UGT2B15: variants seen among roughly 807,000 people sequenced by gnomAD.
UGT2B15 encodes UDP glucuronosyltransferase family 2 member B15.
In UGT2B15, 36 loss-of-function variants were observed where a neutral mutation model predicts 45.9. The observed-to-expected ratio is 0.78, with a 90% CI of 0.60 to 1.04. The LOEUF is 1.04. Ranked by LOEUF, UGT2B15 falls within the 50% of genes least tolerant of loss-of-function variation. UGT2B15 has a pLI of 0.00. For missense variants in UGT2B15, 617 were observed against 622.4 expected (o/e 0.99, Z 0.09); for synonymous variants, 219 against 216.4 (o/e 1.01, Z -0.11).
intron 2 of UGT2B15, among the ~76,000 whole-genome samples, chr4:68,664,025 A>C (rs1733044399): frequency 6.6e-6 from 1 of 152,064 alleles, no homozygotes. Context: ...GACCCTCATC[A>C]TCACTTTGCT....
At chr4:68,658,661 C>G (rs1468301393) in intron 3 of UGT2B15, among the ~76,000 whole-genome samples, 1 of 152,042 alleles carries the variant, frequency 6.6e-6, no homozygotes. Flanking sequence ...AACCCTGTGG[C>G]CTTAAGCAAT....
intron 5 of UGT2B15, among the ~76,000 whole-genome samples, chr4:68,651,903 T>C (rs1359548934): frequency 6.6e-6 from 1 of 152,106 alleles, no homozygotes; most frequent in Non-Finnish European, 1.5e-5. Context: ...TTTCTAATTC[T>C]GTGAGGAATG....
chr4:68,649,100 A>AT (rs560128777), intron 5 of UGT2B15, among the ~76,000 whole-genome samples: 47 of 151,910 alleles, frequency 3.1e-4, no homozygotes, highest in African/African-American at 1.1e-3. Context: ...TTTAAAAAAT[A>AT]TTTTTTATTT....
At chr4:68,663,245 G>C (rs577443028) in intron 2 of UGT2B15, 106 bp from the exon 3 acceptor site, 4 of 1,212,818 alleles carry the variant, frequency 3.3e-6, no homozygotes, top group Non-Finnish European at 4.4e-6. Flanking sequence ...AGCTATTGGA[G>C]TAATTTTTTT....
chr4:68,666,844 T>C (rs533008860), intron 2 of UGT2B15, among the ~76,000 whole-genome samples: 6 of 151,090 alleles, frequency 4.0e-5, no homozygotes, highest in African/African-American at 1.2e-4. Flanking sequence ...CCTCCGGGGT[T>C]CAAGTGATTC....
Position 68,653,742 on chromosome 4 carries a change from T to G in UGT2B15, c.1313+295A>C, listed in dbSNP as rs541719072. Among the ~76,000 whole-genome samples the G allele has an allele frequency of 4.6e-5, 7 of 152,148 alleles. No homozygotes were observed. In the East Asian group the frequency reaches 1.3e-3, roughly 29 times the overall value. On this transcript the variant is annotated intron_variant, in intron 5 of 5. Coordinates refer to ENST00000338206, the MANE Select transcript of UGT2B15 (RefSeq NM_001076.4). Reference sequence around the variant, plus strand: ...TTGAAATATCATATTTCTCTAGTTATGTTCTTTCTTTTCATTGTGCATTCT... The same window carrying G: ...TTGAAATATCATATTTCTCTAGTTAGGTTCTTTCTTTTCATTGTGCATTCT...
intron 3 of UGT2B15, among the ~76,000 whole-genome samples, chr4:68,656,718 T>G (rs1213324940): frequency 6.6e-6 from 1 of 152,096 alleles, no homozygotes; most frequent in African/African-American, 2.4e-5. Context: ...TGAACTCTTT[T>G]AAAGAATTCA....
chr4:68,658,839 C>T lies in UGT2B15; in HGVS notation c.1006-3657G>A, dbSNP rs139920907. On this transcript the variant is annotated intron_variant, in intron 3 of 5. Coordinates refer to ENST00000338206, the MANE Select transcript of UGT2B15 (RefSeq NM_001076.4). ...TTGTTGTGGCATAATGCTAACAGTG[C>T]TTTCTAAAAGCTATTCAGCTCCTCA... is the stretch of plus-strand genomic sequence containing the variant. 5.8e-3 allele frequency among the ~76,000 whole-genome samples: 880 copies of T among 152,062 alleles called. 12 individuals carry two copies. Among genetic ancestry groups the T allele is most frequent in the African/African-American group, 0.02 (820 of 41,482 alleles).
chr4:68,668,244 G>T (rs1271825494), intron 1 of UGT2B15, 56 bp from the exon 2 acceptor site: 4 of 1,605,004 alleles, frequency 2.5e-6, no homozygotes, highest in Non-Finnish European at 3.4e-6. Flanking sequence ...ATTGTTATTT[G>T]AATATGCAGG....
chr4:68,653,989 A>G, intron 5 of UGT2B15, 48 bp downstream of exon 5: 5 of 1,598,064 alleles, frequency 3.1e-6, no homozygotes, highest in Non-Finnish European at 3.4e-6. Context: ...TTCACTGTTG[A>G]CAAAATAATT....
rs1174496090 is a variant in UGT2B15, at chr4:68,654,073, A to T, written c.1277T>A (p.Leu426Ter). 3 of 1,613,624 alleles carry T rather than the reference A, an allele frequency of 1.9e-6. No homozygotes were observed. The Admixed American group carries it at 5.0e-5, about 27-fold the overall frequency. Residue 426 changes from leucine (L) to a stop codon, truncating the protein, a stop_gained, in exon 5 of 6, where the codon TTG becomes TAG. Transcript: ENST00000338206. LOFTEE classifies it low-confidence loss of function (END_TRUNC). ...AATGACTGACTTCAATGCATTGAGC[A>T]AATCTCTACTTGACATGGTCCTGAT... ...VDIRTMSSRD[L>*]LNALKSVIND... is the part of the protein sequence containing the mutation.
intron 5 of UGT2B15, among the ~76,000 whole-genome samples, chr4:68,650,251 C>T (rs1243078954): frequency 1.3e-5 from 2 of 151,934 alleles, no homozygotes; most frequent in Non-Finnish European, 2.9e-5. Flanking sequence ...CACCGATCAA[C>T]CTGTCATCTA....
At chr4:68,655,230 A>C (rs756388748) in intron 3 of UGT2B15, 48 bp from the exon 4 acceptor site, 4 of 1,587,890 alleles carry the variant, frequency 2.5e-6, no homozygotes, top group East Asian at 4.5e-5. Flanking sequence ...AACTCTAAAA[A>C]CATAGCATGT....
In UGT2B15 at chr4:68,669,916, G is replaced by A. The variant is rs772287563; in HGVS notation, c.703C>T (p.Gln235Ter). The A allele has an allele frequency of 1.2e-6, 2 of 1,611,404 alleles. No homozygotes were observed. The highest frequency in any genetic ancestry group is 1.7e-5 in the Admixed American group (1 of 59,154). The change falls in exon 1 of 6, where the codon CAG becomes TAG. Residue 235 changes from glutamine (Q) to a stop codon, truncating the protein, a stop_gained. Coordinates refer to ENST00000338206, the MANE Select transcript of UGT2B15 (RefSeq NM_001076.4). LOFTEE classifies it high-confidence loss of function. ...TTACCTAGAACTTCACTATAAAACT[G>A]GTCCCACTTCTTCAGATCATAAATT... ...FQIYDLKKWD[Q>*]FYSEVLGRPT...
In UGT2B15 at chr4:68,670,552, A is replaced by C. The variant is rs773405344; in HGVS notation, c.67T>G (p.Cys23Gly). The change falls in exon 1 of 6, where the codon TGT becomes GGT. Residue 23 changes from cysteine to glycine, a missense_variant. Physicochemically the swap from Cys to Gly is radical, Grantham distance 159 (BLOSUM62 -3). Around this residue, in one of 3 missense-constraint regions of UGT2B15, gnomAD observed 351 missense variants for 342.1 expected, o/e 1.03. Transcript: ENST00000338206. Reference protein sequence around the residue: ...QLSCYFSSGSCGKVLVWPTEY... With the variant: ...QLSCYFSSGSGGKVLVWPTEY... Reference sequence around the variant, plus strand: ...GTGGGCCACACTAGCACCTTTCCACAGCTTCCAGAGCTAAAGTAACAACTG... The same window carrying C: ...GTGGGCCACACTAGCACCTTTCCACCGCTTCCAGAGCTAAAGTAACAACTG... 6.2e-7 allele frequency: 1 copy of C among 1,605,564 alleles called. No homozygotes were observed. The highest frequency in any genetic ancestry group is 8.5e-7 in the Non-Finnish European group (1 of 1,178,236).
intron 3 of UGT2B15, among the ~76,000 whole-genome samples, chr4:68,659,996 A>T (rs1732918278): frequency 6.8e-6 from 1 of 146,644 alleles, no homozygotes; most frequent in African/African-American, 2.5e-5. Context: ...AATTTAGTAT[A>T]CTCCTATGAA....
At chr4:68,666,977 C>T (rs1476921599) in intron 2 of UGT2B15, among the ~76,000 whole-genome samples, 1 of 151,756 alleles carries the variant, frequency 6.6e-6, no homozygotes, top group Non-Finnish European at 1.5e-5. Context: ...CAACTCCTGA[C>T]CTCAGGTGAT....
chr4:68,659,059 G>A (rs1483278667), intron 3 of UGT2B15, among the ~76,000 whole-genome samples: 3 of 151,968 alleles, frequency 2.0e-5, no homozygotes, highest in African/African-American at 7.2e-5. Flanking sequence ...GATTATAAAG[G>A]TTATGAAAGG....
intron 2 of UGT2B15, among the ~76,000 whole-genome samples, chr4:68,665,617 T>G (rs1733097017): frequency 6.6e-6 from 1 of 152,206 alleles, no homozygotes; most frequent in South Asian, 2.1e-4. Context: ...AAGAGTCTTA[T>G]TCTTTTGAAA....
Sources: gnomAD v4.1 joint callset for allele counts (sites outside exome capture counted in the v4.1 genomes callset) on GRCh38, gnomAD v4.1.1 for gene constraint, gnomAD v4.1.1 regional missense constraint, MANE v1.5 for transcripts, NCBI Gene and HGNC (gene_info 2026-07-23, HGNC 2026-07-21) for gene names.